Variants in TP73 observed in about 807,000 individuals in gnomAD.
TP73 encodes p53-like transcription factor.
TP73 carries 25 observed loss-of-function variants against 62.5 expected under a neutral mutation model. The ratio of observed to expected loss-of-function variants is 0.40; its 90% CI spans 0.29 to 0.56. The LOEUF (loss-of-function observed/expected upper bound fraction) is 0.56. Among genes scored for constraint, TP73 ranks in the 20% least tolerant of loss-of-function variants. The probability of loss-of-function intolerance (pLI) is 0.46; values close to 1 mark genes in which losing one functional copy is unlikely to be tolerated. For missense variants in TP73, 754 were observed against 913.3 expected, an observed-to-expected ratio of 0.83 and a Z score of 2.25; for synonymous variants, 423 against 377.5, an observed-to-expected ratio of 1.12 and a Z score of -1.40.
chr1:3,667,587 A>G (rs548860019), intron 1 of TP73, among the ~76,000 whole-genome samples: 20 of 152,178 alleles, frequency 1.3e-4, no homozygotes, highest in African/African-American at 4.1e-4. Flanking sequence ...CGTTTCTACT[A>G]AAAATACAAA....
At chr1:3,710,217 G>T (rs1407927207) in intron 4 of TP73, among the ~76,000 whole-genome samples, 4 of 132,770 alleles carry the variant, frequency 3.0e-5, no homozygotes, top group African/African-American at 1.1e-4. Flanking sequence ...GGGTGGGGGG[G>T]CGCGAACTGG....
chr1:3,705,143 C>T (rs909219678), intron 3 of TP73, among the ~76,000 whole-genome samples: 2 of 152,252 alleles, frequency 1.3e-5, no homozygotes, highest in Admixed American at 1.3e-4. Flanking sequence ...CTCAAGAGAT[C>T]CTCCCGCCTC....
rs577531826 is a variant in TP73 at position 3,702,152 on chromosome 1, C to T, written c.187-5397C>T. Among the ~76,000 whole-genome samples the T allele has an allele frequency of 2.0e-5, 3 of 152,304 alleles. No homozygotes were observed. In the South Asian group the frequency reaches 6.2e-4, roughly 32 times the overall value. On this transcript the variant is annotated intron_variant, in intron 3 of 13. Transcript: ENST00000378295. ...GCTTGGCCGACGGTAGATGCTGGTG[C>T]TTGGATTGGGGTGTCCAGCCAGTGG...
At chr1:3,674,500 C>T (rs573971772) in intron 1 of TP73, among the ~76,000 whole-genome samples, 14 of 152,362 alleles carry the variant, frequency 9.2e-5, no homozygotes, top group African/African-American at 2.9e-4. Context: ...CCAGGCCCTG[C>T]GGACAGGCCT....
At chr1:3,674,888 C>T (rs980942654) in intron 1 of TP73, among the ~76,000 whole-genome samples, 3 of 152,352 alleles carry the variant, frequency 2.0e-5, no homozygotes, top group African/African-American at 4.8e-5. Context: ...CATTCTGGTG[C>T]GCTGACCGCC....
chr1:3,690,371 T>G (rs970621505), intron 3 of TP73, among the ~76,000 whole-genome samples: 1 of 152,074 alleles, frequency 6.6e-6, no homozygotes, highest in Non-Finnish European at 1.5e-5. Flanking sequence ...TCTCTCCCCC[T>G]TGGGGTGGCC....
intron 3 of TP73, chr1:3,698,288 T>G (rs1008117503): frequency 1.0e-5 from 2 of 191,966 alleles, no homozygotes; most frequent in African/African-American, 4.8e-5. Context: ...AGCTGTGCCT[T>G]CCCCCTCGTC....
At chr1:3,724,588 C>T (rs1311197059) in intron 6 of TP73, among the ~76,000 whole-genome samples, 1 of 152,268 alleles carries the variant, frequency 6.6e-6, no homozygotes, top group Non-Finnish European at 1.5e-5. Context: ...AGCTCTATCG[C>T]CCCCTGGTGG....
intron 7 of TP73, 38 bp from the exon 8 acceptor site, chr1:3,727,574 AGGTTGAGGGTGGGCAG>A (rs1641757724): frequency 3.8e-6 from 6 of 1,561,698 alleles, no homozygotes; most frequent in Non-Finnish European, 5.2e-6. Context: ...GAAGGTGGGC[AGGTTGAGGGTGGGCAG>A]GGTTGAGCTC....
Position 3,666,778 on chromosome 1 carries a change from G to A in TP73, c.-34+14137G>A, listed in dbSNP as rs1645124355. Among the ~76,000 whole-genome samples, 1 of 152,182 alleles carries A rather than the reference G, an allele frequency of 6.6e-6. No homozygotes were observed. The highest frequency in any genetic ancestry group is 6.5e-5 in the Admixed American group (1 of 15,276). On this transcript the variant is annotated intron_variant, in intron 1 of 13. Transcript: ENST00000378295. The surrounding 1 kb of genome is among the most constrained non-coding windows in gnomAD (Gnocchi z 6.4). ...TGGTGCTCTGAGCAGACGCGACTCA[G>A]TGCCATGCGGGCGTCTCTCCCAGGG...
intron 4 of TP73, 133 bp from the exon 5 acceptor site, chr1:3,721,888 G>A (rs752806273): frequency 7.6e-6 from 7 of 926,310 alleles, no homozygotes; most frequent in South Asian, 1.8e-5. Flanking sequence ...CAGAGGGGCT[G>A]CTTGGGGCAG....
chr1:3,712,135 T>C (rs929884380), intron 4 of TP73: 4 of 152,216 alleles, frequency 2.6e-5, no homozygotes, highest in Non-Finnish European at 4.4e-5. Context: ...GTTTATGGAA[T>C]GCATGAGTGG....
At chr1:3,695,711 A>T (rs1165261930) in intron 3 of TP73, among the ~76,000 whole-genome samples, 1 of 152,190 alleles carries the variant, frequency 6.6e-6, no homozygotes, top group Non-Finnish European at 1.5e-5. Context: ...CTAGGCACCT[A>T]CTCTGTACGT....
rs1415791145 is a variant in TP73 at position 3,728,150 on chromosome 1, C to A, written c.1007C>A (p.Ala336Asp). 1 of 1,611,386 alleles carries A rather than the reference C, an allele frequency of 6.2e-7. No individual in the cohort carries two copies. Among genetic ancestry groups the A allele is most frequent in the Non-Finnish European group, 8.5e-7 (1 of 1,179,914 alleles). ...SKRAFKQSPP[A>D]VPALGAGVKK... ...CCAGCCTTCAAGCAGAGCCCCCCTG[C>A]CGTCCCCGCCCTTGGTGCCGGTGTG... The change falls in exon 9 of 14, where the codon GCC becomes GAC. Residue 336 changes from alanine to aspartate, a missense_variant. Around this residue, in one of 3 missense-constraint regions of TP73, gnomAD observed 458 missense variants for 528.7 expected, o/e 0.87. Coordinates refer to ENST00000378295, the MANE Select transcript of TP73 (RefSeq NM_005427.4).
chr1:3,719,402 T>C (rs1359175659), intron 4 of TP73, among the ~76,000 whole-genome samples: 1 of 152,208 alleles, frequency 6.6e-6, no homozygotes, highest in Admixed American at 6.5e-5. Flanking sequence ...GGCCCTGTGT[T>C]CCTCTCCCCT....
chr1:3,698,484 G>A (rs112805272), intron 3 of TP73, among the ~76,000 whole-genome samples: 15,655 of 152,224 alleles, frequency 0.1, 1,050 homozygotes, highest in Admixed American at 0.17. Flanking sequence ...GCTGCCCCTC[G>A]CCACAACCTG....
At chr1:3,676,566 T>C (rs1570410267) in intron 1 of TP73, among the ~76,000 whole-genome samples, 1 of 151,034 alleles carries the variant, frequency 6.6e-6, no homozygotes, top group Non-Finnish European at 1.5e-5. Flanking sequence ...TTGGGCAGGG[T>C]GAGATGAGAG....
chr1:3,729,416 C>T lies in TP73; in HGVS notation c.1164C>T (p.Ser388=). 2 of 1,612,918 alleles carry T rather than the reference C, an allele frequency of 1.2e-6. No homozygotes were observed. The highest frequency in any genetic ancestry group is 1.7e-6 in the Non-Finnish European group (2 of 1,179,984). ...TGGTGCCGCAGCCACTGGTGGACTC[C>T]TATCGGCAGCAGCAGCAGCTCCTAC... ...MELVPQPLVD[S]YRQQQQLLQR... is the part of the protein sequence containing the mutation. Residue 388 remains serine, a synonymous_variant, in exon 10 of 14, where the codon TCC becomes TCT. Coordinates refer to ENST00000378295, the MANE Select transcript of TP73 (RefSeq NM_005427.4).
intron 1 of TP73, among the ~76,000 whole-genome samples, chr1:3,676,240 C>T (rs1425476162): frequency 7.2e-6 from 1 of 139,800 alleles, no homozygotes; most frequent in African/African-American, 2.8e-5. Flanking sequence ...GGACAGGGAA[C>T]AGGGAGGGGA....
Sources: allele counts gnomAD v4.1 joint callset (sites outside exome capture counted in the v4.1 genomes callset), GRCh38; gene constraint gnomAD v4.1.1; regional missense constraint gnomAD v4.1.1; non-coding constraint Gnocchi (gnomAD v3.1); transcripts MANE v1.5; gene names NCBI Gene and HGNC (gene_info 2026-07-23, HGNC 2026-07-21).